Variants in SPAG9 observed in about 807,000 individuals in gnomAD.
SPAG9 encodes the protein sperm associated antigen 9.
Under a neutral mutation model 166.5 loss-of-function variants are expected in SPAG9, and 35 were observed. The ratio of observed to expected loss-of-function variants is 0.21; its 90% confidence interval spans 0.16 to 0.28. The LOEUF (loss-of-function observed/expected upper bound fraction) is 0.28. Among genes scored for constraint, SPAG9 ranks in the 10% least tolerant of loss-of-function variants. The pLI, the probability that SPAG9 is intolerant of heterozygous loss-of-function variation, is 1.00. For synonymous variants in SPAG9, 534 were observed against 565.5 expected (o/e 0.94, Z 0.79); for missense variants, 1,235 against 1,603.3 (o/e 0.77, Z 3.92).
intron 1 of SPAG9, among the ~76,000 whole-genome samples, chr17:51,100,177 T>C (rs2048769824): frequency 1.3e-5 from 2 of 152,218 alleles, no homozygotes; most frequent in South Asian, 4.1e-4. Flanking sequence ...GATAACAAAC[T>C]TTAATGCTTG....
chr17:51,074,297 C>T (rs2047906939), intron 2 of SPAG9, among the ~76,000 whole-genome samples: 2 of 152,056 alleles, frequency 1.3e-5, no homozygotes, highest in South Asian at 2.1e-4. Flanking sequence ...TGGTGGTGCA[C>T]GCCTGTAATC....
chr17:51,037,679 A>AGTGTGTG (rs1441548802), intron 5 of SPAG9, among the ~76,000 whole-genome samples: 1 of 99,510 alleles, frequency 1.0e-5, no homozygotes, highest in Non-Finnish European at 2.4e-5. Context: ...ATATATATAT[A>AGTGTGTG]TATATAGTGT....
chr17:50,990,940 C>G (rs1316244582), intron 19 of SPAG9, among the ~76,000 whole-genome samples: 1 of 143,020 alleles, frequency 7.0e-6, no homozygotes, highest in Non-Finnish European at 1.5e-5. Context: ...CAGAGTCTTA[C>G]TCTGTCGCCC....
At chr17:51,052,797 G>T (rs1443519018) in intron 3 of SPAG9, among the ~76,000 whole-genome samples, 2 of 152,068 alleles carry the variant, frequency 1.3e-5, no homozygotes, top group South Asian at 4.1e-4. Context: ...GGTAGCTCAC[G>T]CCTGTAATCC....
rs758548008 is a variant in SPAG9 at position 50,964,741 on chromosome 17, T to C, written c.*1531A>G. On this transcript the variant is annotated 3_prime_UTR_variant, in exon 30 of 30. Coordinates refer to ENST00000262013, the MANE Select transcript of SPAG9 (RefSeq NM_001130528.3). Reference sequence around the variant, plus strand: ...AAGAAAATCAGTGAAATCCAGACTTTAATCTATTTTTTGCTTGTTTGTCTG... The same window carrying C: ...AAGAAAATCAGTGAAATCCAGACTTCAATCTATTTTTTGCTTGTTTGTCTG... 6.6e-6 allele frequency: 3 copies of C among 452,958 alleles called. No individual in the cohort carries two copies. Among genetic ancestry groups the C allele is most frequent in the Non-Finnish European group, 1.3e-5 (3 of 225,416 alleles). 28.1% of individuals were successfully genotyped at this position (452,958 alleles called of 1,614,324 possible). A position where few individuals can be genotyped will look rare whatever the true frequency, so the allele number is the denominator to read the frequency against.
chr17:51,041,680 C>A, intron 4 of SPAG9, 29 bp from the exon 5 acceptor site: 1 of 1,608,190 alleles, frequency 6.2e-7, no homozygotes, highest in Non-Finnish European at 8.5e-7. Flanking sequence ...AAAAATTCGG[C>A]ATTCATTTAT....
rs951244108 is a variant in SPAG9 at position 50,989,809 on chromosome 17, G to T, written c.2681C>A (p.Ala894Asp). Reference sequence around the variant, plus strand: ...AGCTGACCCCGCATTCCCTTCTGTAGCTTCAGTTGCTTCTTCTGCTGTTGG... The same window carrying T: ...AGCTGACCCCGCATTCCCTTCTGTATCTTCAGTTGCTTCTTCTGCTGTTGG... ...NVPTAEEATEATEGNAGSAED... is the reference protein window; with the variant it reads ...NVPTAEEATEDTEGNAGSAED... Residue 894 changes from alanine to aspartate, a missense_variant, in exon 21 of 30, where the codon GCT becomes GAT. This residue lies in a region of SPAG9 where 493 missense variants were observed against 559.4 expected (regional missense o/e 0.88). Transcript: ENST00000262013. 1 of 1,614,114 alleles carries T rather than the reference G, an allele frequency of 6.2e-7. No homozygotes were observed. The highest frequency in any genetic ancestry group is 2.2e-5 in the East Asian group (1 of 44,880).
At chr17:51,047,719 C>A (rs8080302) in intron 3 of SPAG9, among the ~76,000 whole-genome samples, 7,224 of 140,554 alleles carry the variant, frequency 0.051, 516 homozygotes, top group African/African-American at 0.16. Context: ...AAAAAAAAAA[C>A]CCACTTTTTT....
chr17:51,010,320 T>C (rs1179799926), intron 9 of SPAG9, among the ~76,000 whole-genome samples: 1 of 152,124 alleles, frequency 6.6e-6, no homozygotes, highest in African/African-American at 2.4e-5. Context: ...TCAGAACTAT[T>C]TAGCAATCCC....
At position 51,052,278 on chromosome 17, in the gene SPAG9, A is replaced by C. The variant is rs577884307; in HGVS notation, c.495+4134T>G. Among the ~76,000 whole-genome samples the C allele has an allele frequency of 2.0e-5, 3 of 152,276 alleles. No individual in the cohort carries two copies. In the East Asian group the frequency reaches 5.8e-4, roughly 29 times the overall value. On this transcript the variant is annotated intron_variant, in intron 3 of 29. Coordinates refer to ENST00000262013, the MANE Select transcript of SPAG9 (RefSeq NM_001130528.3). The stretch of plus-strand genomic sequence containing the variant: ...CAGAGTTTATGTTTTAAGGGCGCCT[A>C]GTTCTTTGGCTTTAGATAGCTATTT...
chr17:50,966,564 C>T (rs1973379485), intron 29 of SPAG9, among the ~76,000 whole-genome samples, 177 bp from the exon 30 acceptor site: 1 of 152,102 alleles, frequency 6.6e-6, no homozygotes. Flanking sequence ...CCATATTCAC[C>T]CAAGCCACTG....
chr17:51,028,750 G>T (rs2046283563), intron 6 of SPAG9, among the ~76,000 whole-genome samples: 1 of 152,214 alleles, frequency 6.6e-6, no homozygotes, highest in Non-Finnish European at 1.5e-5. Flanking sequence ...TAATTGAAAA[G>T]CATTTATTAT....
intron 1 of SPAG9, among the ~76,000 whole-genome samples, chr17:51,097,560 CATATACATATATATGTACATAT>C (rs1230774896): frequency 2.0e-5 from 3 of 151,890 alleles, no homozygotes; most frequent in Non-Finnish European, 4.4e-5. Context: ...CACACACACA[CATATACATATATATGTACATAT>C]ATATACATGG....
intron 2 of SPAG9, among the ~76,000 whole-genome samples, chr17:51,067,910 C>T (rs139651311): frequency 4.4e-4 from 67 of 152,206 alleles, no homozygotes; most frequent in Non-Finnish European, 7.2e-4. Flanking sequence ...ACCTGCTCTG[C>T]CGGCTCAAAA....
At chr17:50,978,564 A>C (rs761667790) in intron 26 of SPAG9, among the ~76,000 whole-genome samples, 6 of 152,206 alleles carry the variant, frequency 3.9e-5, no homozygotes, top group Non-Finnish European at 8.8e-5. Flanking sequence ...GAGAGATTAT[A>C]AACAAGAATC....
intron 1 of SPAG9, among the ~76,000 whole-genome samples, chr17:51,105,078 T>C (rs2048910957): frequency 6.6e-6 from 1 of 150,538 alleles, no homozygotes; most frequent in Non-Finnish European, 1.5e-5. Flanking sequence ...CCTAGGCGAC[T>C]GAGCGAGACT....
intron 3 of SPAG9, among the ~76,000 whole-genome samples, chr17:51,053,846 AAAAAAAAAGTAT>A (rs1568044462): frequency 2.8e-5 from 2 of 72,110 alleles, no homozygotes; most frequent in African/African-American, 1.3e-4. Flanking sequence ...TAAAAAAAAA[AAAAAAAAAGTAT>A]ATATATATAT....
At chr17:51,070,379 T>A (rs942868641) in intron 2 of SPAG9, among the ~76,000 whole-genome samples, 1 of 152,160 alleles carries the variant, frequency 6.6e-6, no homozygotes, top group Non-Finnish European at 1.5e-5. Context: ...AACCCTTACT[T>A]CTCCAATTCT....
intron 1 of SPAG9, among the ~76,000 whole-genome samples, chr17:51,090,753 G>A (rs1351872923): frequency 6.6e-6 from 1 of 152,176 alleles, no homozygotes; most frequent in Non-Finnish European, 1.5e-5. Context: ...AGAGATGGCT[G>A]ATATTTCTGT....
Sources: allele counts gnomAD v4.1 joint callset (sites outside exome capture counted in the v4.1 genomes callset), GRCh38; gene constraint gnomAD v4.1.1; regional missense constraint gnomAD v4.1.1; transcripts MANE v1.5; gene names NCBI Gene and HGNC (gene_info 2026-07-23, HGNC 2026-07-21).